The following GABRA4 variants were observed in gnomAD, a reference collection of about 807,000 sequenced individuals.
GABRA4 encodes the protein gamma-aminobutyric acid type A receptor subunit alpha4.
A neutral mutation model predicts 49.7 loss-of-function variants in GABRA4; 12 were observed. That is an observed-to-expected ratio of 0.24 (90% confidence interval 0.15 to 0.39). The LOEUF (loss-of-function observed/expected upper bound fraction) is 0.39, where lower values mean the gene tolerates loss of function less well. Ranked by LOEUF, GABRA4 falls within the 10% of genes least tolerant of loss-of-function variation. The pLI, the probability that GABRA4 is intolerant of heterozygous loss-of-function variation, is 1.00. For missense variants in GABRA4, 506 were observed against 686.0 expected, an observed-to-expected ratio of 0.74 and a Z score of 2.93; for synonymous variants, 288 against 240.2, an observed-to-expected ratio of 1.20 and a Z score of -1.84.
At position 46,919,279 on chromosome 4, in the gene GABRA4, C is replaced by T. The variant is rs967518759; in HGVS notation, c.*8946G>A. 1.3e-5 allele frequency: 2 copies of T among 151,466 alleles called. No homozygotes were observed. The highest frequency in any genetic ancestry group is 3.0e-5 in the Non-Finnish European group (2 of 67,530). The allele number at this position is 151,466 out of a possible 1,614,324, so 9.4% of individuals were successfully genotyped here. On this transcript the variant is annotated 3_prime_UTR_variant, in exon 9 of 9. Transcript: ENST00000264318. ...AATAGTAAACCAATATTTGATAATG[C>T]TCCTTTTTTTCAAAATAAATTTGCA...
rs373168823 is a variant in GABRA4 at position 46,971,252 on chromosome 4, A to G, written c.722-17T>C. The G allele has an allele frequency of 1.1e-5, 17 of 1,607,332 alleles. No individual in the cohort carries two copies. The African/African-American group carries it at 2.1e-4, about 20-fold the overall frequency. ...TATATTCACCTGCCAAGAAAACAGGAGGAAAATGTGTTATCGGTTCTGCAG... is the reference window on the plus strand; with the variant it reads ...TATATTCACCTGCCAAGAAAACAGGGGGAAAATGTGTTATCGGTTCTGCAG... On this transcript the variant is annotated splice_polypyrimidine_tract_variant and intron_variant, in intron 6 of 8. Coordinates refer to ENST00000264318, the MANE Select transcript of GABRA4 (RefSeq NM_000809.4).
chr4:46,983,509 G>A (rs1466590024), intron 2 of GABRA4, among the ~76,000 whole-genome samples: 1 of 151,892 alleles, frequency 6.6e-6, no homozygotes, highest in Non-Finnish European at 1.5e-5. Flanking sequence ...CCATCAAAAG[G>A]AAAAATTAAC....
rs182264487 is a variant in GABRA4, at chr4:46,927,281, G to A, written c.*944C>T. 1.3e-5 allele frequency: 2 copies of A among 152,558 alleles called. No individual in the cohort carries two copies. Among genetic ancestry groups the A allele is most frequent in the East Asian group, 1.9e-4 (1 of 5,168 alleles). The allele number at this position is 152,558 out of a possible 1,614,324, so 9.5% of individuals were successfully genotyped here. A position where few individuals can be genotyped will look rare whatever the true frequency, so the allele number is the denominator to read the frequency against. ...GTTGTACTGACATCAAAGTGGTTAT[G>A]TGAACAAATATATTTGTTATCCACT... On this transcript the variant is annotated 3_prime_UTR_variant, in exon 9 of 9. Coordinates refer to ENST00000264318, the MANE Select transcript of GABRA4 (RefSeq NM_000809.4).
intron 8 of GABRA4, among the ~76,000 whole-genome samples, chr4:46,945,279 T>C (rs1363248843): frequency 1.3e-5 from 2 of 152,148 alleles, no homozygotes; most frequent in Non-Finnish European, 2.9e-5. Context: ...TTGAAAAGTA[T>C]GCCTGAGTGA....
intron 8 of GABRA4, among the ~76,000 whole-genome samples, chr4:46,934,209 GA>G (rs1464543467): frequency 9.2e-5 from 14 of 151,982 alleles, no homozygotes; most frequent in Non-Finnish European, 1.6e-4. Context: ...GAATATCAAT[GA>G]GTCACATACT....
intron 8 of GABRA4, among the ~76,000 whole-genome samples, chr4:46,953,826 G>C (rs997067208): frequency 1.3e-5 from 2 of 152,212 alleles, no homozygotes; most frequent in African/African-American, 4.8e-5. Flanking sequence ...TGGATAGTTG[G>C]GGAGTAAGTA....
chr4:46,967,486 C>G (rs1722807854), intron 7 of GABRA4, among the ~76,000 whole-genome samples: 1 of 151,344 alleles, frequency 6.6e-6, no homozygotes, highest in Admixed American at 6.6e-5. Context: ...GTTATTGACC[C>G]ATAAATTCAG....
At chr4:46,967,395 A>G (rs1407686304) in intron 7 of GABRA4, among the ~76,000 whole-genome samples, 1 of 151,304 alleles carries the variant, frequency 6.6e-6, no homozygotes, top group Non-Finnish European at 1.5e-5. Flanking sequence ...CTTGGTGATC[A>G]GAAGTAGTGT....
chr4:46,950,749 T>TAATTAATTAATTA, intron 8 of GABRA4, among the ~76,000 whole-genome samples: 1 of 72,048 alleles, frequency 1.4e-5, no homozygotes, highest in African/African-American at 4.5e-5. Context: ...ATAAATAAAT[T>TAATTAATTAATTA]ACTATATGCT....
intron 5 of GABRA4, among the ~76,000 whole-genome samples, chr4:46,976,539 A>G (rs1723146468): frequency 6.6e-6 from 1 of 151,616 alleles, no homozygotes; most frequent in Admixed American, 6.6e-5. Flanking sequence ...GCCATGCTTC[A>G]GTCACTGTTA....
intron 2 of GABRA4, among the ~76,000 whole-genome samples, chr4:46,983,830 T>C (rs1723440425): frequency 1.3e-5 from 2 of 152,082 alleles, no homozygotes; most frequent in Non-Finnish European, 2.9e-5. Flanking sequence ...ATTAAAGACA[T>C]CTTTTATTTT....
At chr4:46,979,209 G>T in intron 2 of GABRA4, 111 bp from the exon 3 acceptor site, 1 of 653,326 alleles carries the variant, frequency 1.5e-6, no homozygotes, top group Non-Finnish European at 2.7e-6. Context: ...GTTTTTACAA[G>T]CATCTTACAT....
rs1194368381 is a variant in GABRA4, at chr4:46,926,930, C to A, written c.*1295G>T. The stretch of plus-strand genomic sequence containing the variant: ...TAAAATATTCCCCTTAGTTATTAAA[C>A]CTTAAAAAAACTCCCAAAAAAACCA... On this transcript the variant is annotated 3_prime_UTR_variant, in exon 9 of 9. Coordinates refer to ENST00000264318, the MANE Select transcript of GABRA4 (RefSeq NM_000809.4). 6.6e-6 allele frequency: 1 copy of A among 151,776 alleles called. No individual in the cohort carries two copies. Among genetic ancestry groups the A allele is most frequent in the Non-Finnish European group, 1.5e-5 (1 of 67,846 alleles). The allele number at this position is 151,776 out of a possible 1,614,324, so 9.4% of individuals were successfully genotyped here. A position where few individuals can be genotyped will look rare whatever the true frequency, so the allele number is the denominator to read the frequency against.
rs1721262406 is a variant in GABRA4, at chr4:46,927,291, A to G, written c.*934T>C. The G allele has an allele frequency of 6.6e-6, 1 of 152,510 alleles. No individual in the cohort carries two copies. Among genetic ancestry groups the G allele is most frequent in the Non-Finnish European group, 1.5e-5 (1 of 67,984 alleles). The allele number at this position is 152,510 out of a possible 1,614,324, so 9.4% of individuals were successfully genotyped here. A position where few individuals can be genotyped will look rare whatever the true frequency, so the allele number is the denominator to read the frequency against. ...CATCAAAGTGGTTATGTGAACAAAT[A>G]TATTTGTTATCCACTATCAGTAGAG... On this transcript the variant is annotated 3_prime_UTR_variant, in exon 9 of 9. Transcript: ENST00000264318.
At chr4:46,946,789 C>T (rs1170441633) in intron 8 of GABRA4, among the ~76,000 whole-genome samples, 1 of 152,034 alleles carries the variant, frequency 6.6e-6, no homozygotes, top group Non-Finnish European at 1.5e-5. Flanking sequence ...AGCACTGGTG[C>T]ATTGAAAGTT....
intron 8 of GABRA4, among the ~76,000 whole-genome samples, chr4:46,948,030 G>A (rs1722040354): frequency 6.6e-6 from 1 of 152,096 alleles, no homozygotes; most frequent in African/African-American, 2.4e-5. Flanking sequence ...GGAAATAGCA[G>A]CACCAAATAA....
At chr4:46,955,949 T>C (rs1722345716) in intron 8 of GABRA4, among the ~76,000 whole-genome samples, 1 of 152,138 alleles carries the variant, frequency 6.6e-6, no homozygotes. Flanking sequence ...TCACAATAGT[T>C]GCCTGGTAAA....
chr4:46,977,314 G>GAGGA, intron 4 of GABRA4, 96 bp downstream of exon 4: 3 of 328,732 alleles, frequency 9.1e-6, no homozygotes, highest in South Asian at 9.1e-5. Context: ...GGAAGGGAGG[G>GAGGA]AGGAAGGGAG....
chr4:46,964,916 T>TA, intron 8 of GABRA4, 54 bp downstream of exon 8: 1 of 1,491,940 alleles, frequency 6.7e-7, no homozygotes, highest in Non-Finnish European at 8.9e-7. Flanking sequence ...CCTGACAAAA[T>TA]AAATTTGACC....
Sources: gnomAD v4.1 joint callset for allele counts (sites outside exome capture counted in the v4.1 genomes callset) on GRCh38, gnomAD v4.1.1 for gene constraint, MANE v1.5 for transcripts, NCBI Gene and HGNC (gene_info 2026-07-23, HGNC 2026-07-21) for gene names.